The following PDE1C variants were observed in gnomAD, a reference collection of about 807,000 sequenced individuals.
PDE1C encodes phosphodiesterase 1C.
PDE1C carries 62 observed loss-of-function variants against 93.1 expected under a neutral mutation model. The ratio of observed to expected loss-of-function variants is 0.67; its 90% confidence interval spans 0.54 to 0.82. The LOEUF is 0.82. Ranked by LOEUF, PDE1C falls within the 40% of genes least tolerant of loss-of-function variation. The probability of loss-of-function intolerance (pLI) is 0.00; values close to 1 mark genes in which losing one functional copy is unlikely to be tolerated. For missense variants in PDE1C, 742 were observed against 884.6 expected (o/e 0.84, Z 2.04); for synonymous variants, 325 against 310.1 (o/e 1.05, Z -0.50).
chr7:32,111,455 T>C (rs1584782219), intron 3 of PDE1C, among the ~76,000 whole-genome samples: 1 of 152,150 alleles, frequency 6.6e-6, no homozygotes, highest in African/African-American at 2.4e-5. Flanking sequence ...CATCATGAGA[T>C]GGTGCAGGAA....
In PDE1C at chr7:32,156,047, C is replaced by T. The variant is rs118156814; in HGVS notation, c.308+13738G>A. On this transcript the variant is annotated intron_variant, in intron 3 of 18. Coordinates refer to the PDE1C transcript ENST00000396193. ...CTCCCCCAACCCATTCCATGAGTTT[C>T]TCTCTACTCTGCAATTTCCTATACT... is the stretch of plus-strand genomic sequence containing the variant. 8.5e-5 allele frequency among the ~76,000 whole-genome samples: 13 copies of T among 152,318 alleles called. 1 individual carries two copies. Among genetic ancestry groups the T allele is most frequent in the Admixed American group, 2.0e-4 (3 of 15,312 alleles).
intron 3 of PDE1C, among the ~76,000 whole-genome samples, chr7:32,160,705 G>A (rs1292360348): frequency 6.6e-6 from 1 of 152,154 alleles, no homozygotes; most frequent in Non-Finnish European, 1.5e-5. Flanking sequence ...AGCTGGGCGT[G>A]AGGCTGAGGC....
chr7:31,788,548 C>G (rs926993345), intron 16 of PDE1C: 1 of 152,286 alleles, frequency 6.6e-6, no homozygotes, highest in East Asian at 1.9e-4. Flanking sequence ...CCCACCCTCT[C>G]CAATTTCTCA....
chr7:31,777,580 G>A (rs1783100020), intron 16 of PDE1C, among the ~76,000 whole-genome samples: 1 of 152,004 alleles, frequency 6.6e-6, no homozygotes, highest in Non-Finnish European at 1.5e-5. Context: ...ACACACTTCG[G>A]GCTCTCAAAG....
At chr7:32,173,514 T>C (rs1210610793) in intron 2 of PDE1C, among the ~76,000 whole-genome samples, 2 of 144,434 alleles carry the variant, frequency 1.4e-5, no homozygotes, top group African/African-American at 5.2e-5. Context: ...TAACAATAAA[T>C]AAAAATTAAA....
chr7:32,086,859 C>T (rs11979163), intron 3 of PDE1C, among the ~76,000 whole-genome samples: 60,334 of 150,912 alleles, frequency 0.4, 12,631 homozygotes, highest in Non-Finnish European at 0.47. Flanking sequence ...TAATTCAAGA[C>T]GGATTAAAGA....
the PDE1C span, among the ~76,000 whole-genome samples, chr7:31,715,778 C>T: frequency 6.6e-6 from 1 of 152,082 alleles, no homozygotes; most frequent in Non-Finnish European, 1.5e-5. Flanking sequence ...ATAAATGTCC[C>T]CTTGTGCACT....
chr7:31,746,653 G>A (rs758124075), downstream of PDE1C, among the ~76,000 whole-genome samples: 2 of 152,142 alleles, frequency 1.3e-5, no homozygotes, highest in African/African-American at 4.8e-5. Flanking sequence ...AACCGGATAT[G>A]GTTCAGTGGG....
At chr7:32,341,819 G>A (rs1162389329) in intron 1 of PDE1C, among the ~76,000 whole-genome samples, 2 of 152,108 alleles carry the variant, frequency 1.3e-5, no homozygotes, top group Admixed American at 1.3e-4. Flanking sequence ...TTGGTGGTTG[G>A]GCTCAAGAAT....
At chr7:31,848,227 T>C in intron 8 of PDE1C, 131 bp from the exon 9 acceptor site, 1 of 824,108 alleles carries the variant, frequency 1.2e-6, no homozygotes, top group Non-Finnish European at 1.9e-6. Context: ...GCCAGTTATA[T>C]GAACCAAAAG....
chr7:32,369,909 G>A (rs1562693882), intron 1 of PDE1C, among the ~76,000 whole-genome samples: 1 of 152,168 alleles, frequency 6.6e-6, no homozygotes, highest in Non-Finnish European at 1.5e-5. Context: ...CAACCATTGT[G>A]GAAGACAGTG....
At chr7:31,660,443 C>T in the PDE1C span, among the ~76,000 whole-genome samples, 3 of 152,026 alleles carry the variant, frequency 2.0e-5, no homozygotes, top group Non-Finnish European at 4.4e-5. Flanking sequence ...TTTTAAATCA[C>T]TACCAAGAAA....
At chr7:32,212,759 T>G (rs995854018) in intron 1 of PDE1C, among the ~76,000 whole-genome samples, 1 of 152,122 alleles carries the variant, frequency 6.6e-6, no homozygotes, top group African/African-American at 2.4e-5. Context: ...CTGAAAAGCC[T>G]CCTCGCCTCA....
chr7:32,005,806 TA>T (rs1786168828), intron 2 of PDE1C, among the ~76,000 whole-genome samples: 1 of 152,148 alleles, frequency 6.6e-6, no homozygotes, highest in African/African-American at 2.4e-5. Context: ...GGTCTACTGC[TA>T]ATTTGGCATT....
At chr7:31,817,341 A>G (rs1788397427) in intron 14 of PDE1C, among the ~76,000 whole-genome samples, 2 of 152,146 alleles carry the variant, frequency 1.3e-5, no homozygotes, top group Non-Finnish European at 2.9e-5. Context: ...GGTAGAAATG[A>G]GCTTGGTATG....
chr7:31,812,042 G>C (rs2128715830), intron 15 of PDE1C, among the ~76,000 whole-genome samples: 1 of 152,210 alleles, frequency 6.6e-6, no homozygotes, highest in East Asian at 1.9e-4. Flanking sequence ...GACGTGAGCT[G>C]TTACTCAATA....
At chr7:32,267,608 T>TCTCTCTCTCTCTCC (rs1251164128) in intron 1 of PDE1C, among the ~76,000 whole-genome samples, 1 of 151,142 alleles carries the variant, frequency 6.6e-6, no homozygotes, top group African/African-American at 2.4e-5. Context: ...TCTCTCTCTC[T>TCTCTCTCTCTCTCC]CTCTCTCTCT....
intron 1 of PDE1C, among the ~76,000 whole-genome samples, chr7:32,345,309 T>G (rs953864376): frequency 6.6e-5 from 10 of 152,336 alleles, no homozygotes; most frequent in Middle Eastern, 3.4e-3. Flanking sequence ...AAAACCCTGG[T>G]TAGTGTAAAA....
At chr7:31,679,893 C>G in the PDE1C span, among the ~76,000 whole-genome samples, 1 of 152,248 alleles carries the variant, frequency 6.6e-6, no homozygotes, top group Non-Finnish European at 1.5e-5. Context: ...TTCTCAGAAT[C>G]TGGGCAATTC....
Sources: gnomAD v4.1 joint callset for allele counts (sites outside exome capture counted in the v4.1 genomes callset) on GRCh38, gnomAD v4.1.1 for gene constraint, MANE v1.5 for transcripts, NCBI Gene and HGNC (gene_info 2026-07-23, HGNC 2026-07-21) for gene names.